Variants in ZBTB41 observed in about 807,000 individuals in gnomAD.
The protein encoded by ZBTB41 is zinc finger and BTB domain-containing protein 41.
Under a neutral mutation model 87.6 loss-of-function variants are expected in ZBTB41, and 42 were observed. The observed-to-expected ratio is 0.48, with a 90% CI of 0.37 to 0.62. The LOEUF is 0.62. Among genes scored for constraint, ZBTB41 ranks in the 20% least tolerant of loss-of-function variants. The probability of loss-of-function intolerance (pLI) is 0.00; values close to 1 mark genes in which losing one functional copy is unlikely to be tolerated. For synonymous variants in ZBTB41, 364 were observed against 364.0 expected, an observed-to-expected ratio of 1.00 and a Z score of 0.00; for missense variants, 799 against 1,078.9, an observed-to-expected ratio of 0.74 and a Z score of 3.63.
chr1:197,177,056 G>A (rs1659626207), intron 7 of ZBTB41, among the ~76,000 whole-genome samples: 1 of 152,102 alleles, frequency 6.6e-6, no homozygotes, highest in African/African-American at 2.4e-5. Flanking sequence ...TCAGACAAAT[G>A]AAGTAAGTGT....
chr1:197,190,885 A>C, intron 3 of ZBTB41, 54 bp from the exon 4 acceptor site: 1 of 1,176,178 alleles, frequency 8.5e-7, no homozygotes, highest in Non-Finnish European at 1.2e-6. Flanking sequence ...AGTTAAATCA[A>C]TATTCCATGT....
At chr1:197,167,078 C>A (rs902970418) in intron 10 of ZBTB41, among the ~76,000 whole-genome samples, 3 of 152,004 alleles carry the variant, frequency 2.0e-5, no homozygotes, top group Non-Finnish European at 4.4e-5. Context: ...AAGATATAGG[C>A]AATATGTCTC....
rs775192170 is a variant in ZBTB41 at position 197,191,907 on chromosome 1, A to G, written c.1121-8T>C. 3 of 1,561,352 alleles carry G rather than the reference A, an allele frequency of 1.9e-6. No individual in the cohort carries two copies. The highest frequency in any genetic ancestry group is 3.8e-5 in the Admixed American group (2 of 52,464). On this transcript the variant is annotated splice_region_variant and splice_polypyrimidine_tract_variant and intron_variant, in intron 2 of 10. Transcript: ENST00000367405. Reference sequence around the variant, plus strand: ...TGTGGCTCTCATATTTTCCTATAAAAAAAGAAAAATTAAAATTAAATTTAG... The same window carrying G: ...TGTGGCTCTCATATTTTCCTATAAAGAAAGAAAAATTAAAATTAAATTTAG...
chr1:197,157,060 CAAGTT>C lies in ZBTB41; in HGVS notation c.*2294_*2298del, dbSNP rs1201291528. The C allele has an allele frequency of 6.6e-6, 1 of 152,084 alleles. No homozygotes were observed. Among genetic ancestry groups the C allele is most frequent in the Non-Finnish European group, 1.5e-5 (1 of 67,728 alleles). 9.4% of individuals were successfully genotyped at this position (152,084 alleles called of 1,614,324 possible). A position where few individuals can be genotyped will look rare whatever the true frequency, so the allele number is the denominator to read the frequency against. ...TTTTATAAAACAGTAAATCACTACT[CAAGTT>C]TAAGTTATCTACAATAGTAACTAAA... On this transcript the variant is annotated 3_prime_UTR_variant, in exon 11 of 11. Transcript: ENST00000367405.
At chr1:197,199,315 T>TA (rs1571674012) in intron 2 of ZBTB41, 39 bp downstream of exon 2, 1 of 1,453,790 alleles carries the variant, frequency 6.9e-7, no homozygotes. Context: ...CCAAGAAAAG[T>TA]AAGTGATTAG....
At chr1:197,192,724 T>C (rs967377571) in intron 2 of ZBTB41, among the ~76,000 whole-genome samples, 1 of 152,118 alleles carries the variant, frequency 6.6e-6, no homozygotes, top group African/African-American at 2.4e-5. Context: ...AGGTGAAAAC[T>C]AATGTGAAAG....
intron 10 of ZBTB41, among the ~76,000 whole-genome samples, chr1:197,167,778 A>G (rs1659385034): frequency 6.6e-6 from 1 of 152,216 alleles, no homozygotes; most frequent in East Asian, 1.9e-4. Context: ...CCTATAAAAA[A>G]TATCATACTT....
intron 4 of ZBTB41, 88 bp from the exon 5 acceptor site, chr1:197,188,527 T>A: frequency 1.6e-6 from 2 of 1,232,146 alleles, no homozygotes; most frequent in Non-Finnish European, 2.2e-6. Flanking sequence ...CCATATAAAT[T>A]CAATAAAGAG....
rs746733285 is a variant in ZBTB41 at position 197,199,641 on chromosome 1, T to G, written c.833A>C (p.Asp278Ala). ...ATCAAAATTTTCTTGATTCAAATTG[T>G]CTGACCCATCACCACTTTCCTGTTC... ...DDEQESGDGS[D>A]NLNQENFDKE... The change falls in exon 2 of 11, where the codon GAC (aspartate) becomes GCC (alanine). Residue 278 changes from aspartate to alanine, a missense_variant. Asp to Ala is a moderately radical substitution (Grantham distance 126). Coordinates refer to ENST00000367405, the MANE Select transcript of ZBTB41 (RefSeq NM_194314.3). 2.5e-6 allele frequency: 4 copies of G among 1,612,890 alleles called. No homozygotes were observed. The highest frequency in any genetic ancestry group is 3.4e-6 in the Non-Finnish European group (4 of 1,179,860).
At chr1:197,188,511 A>G in intron 4 of ZBTB41, 72 bp from the exon 5 acceptor site, 2 of 1,338,710 alleles carry the variant, frequency 1.5e-6, no homozygotes, top group South Asian at 3.0e-5. Context: ...TGTAATGAGA[A>G]GAAAACCATA....
intron 5 of ZBTB41, among the ~76,000 whole-genome samples, chr1:197,183,968 G>C (rs773153853): frequency 2.0e-5 from 3 of 152,154 alleles, no homozygotes; most frequent in Admixed American, 6.5e-5. Context: ...TGATGGGAAA[G>C]TAACTATTGT....
chr1:197,172,858 G>T (rs4520444), intron 9 of ZBTB41, among the ~76,000 whole-genome samples: 38,718 of 151,928 alleles, frequency 0.25, 5,309 homozygotes, highest in Middle Eastern at 0.32. Context: ...ATCAGTTCAT[G>T]TCCTAACAAA....
At position 197,172,222 on chromosome 1, in the gene ZBTB41, T is replaced by C; in HGVS notation, c.2012A>G (p.Asp671Gly). ...QKYKATFHQC[D>G]VCKKIFKGKS... is the part of the protein sequence containing the mutation. ...GCCTTTAAAAATTTTCTTACAAACA[T>C]CACATTGATGAAATGTTGCTTTATA... Residue 671 changes from aspartate (D) to glycine (G), a missense_variant, in exon 10 of 11, where the codon GAT becomes GGT. Physicochemically the swap from Asp to Gly is moderately conservative, Grantham distance 94. Coordinates refer to ENST00000367405, the MANE Select transcript of ZBTB41 (RefSeq NM_194314.3). 1 of 1,418,102 alleles carries C rather than the reference T, an allele frequency of 7.1e-7. No individual in the cohort carries two copies. The highest frequency in any genetic ancestry group is 9.3e-7 in the Non-Finnish European group (1 of 1,071,098). The allele number at this position is 1,418,102 out of a possible 1,614,324, so 87.8% of individuals were successfully genotyped here.
At chr1:197,184,971 C>G (rs750976659) in intron 5 of ZBTB41, among the ~76,000 whole-genome samples, 2 of 151,998 alleles carry the variant, frequency 1.3e-5, no homozygotes, top group African/African-American at 4.8e-5. Context: ...TCCGCCACCA[C>G]GCCCAGCTAA....
At chr1:197,187,906 G>T (rs1415646941) in intron 5 of ZBTB41, among the ~76,000 whole-genome samples, 1 of 152,096 alleles carries the variant, frequency 6.6e-6, no homozygotes, top group Non-Finnish European at 1.5e-5. Context: ...GGAAATTTCG[G>T]GGCAGTGAAA....
At chr1:197,191,023 T>C (rs1660017516) in intron 3 of ZBTB41, among the ~76,000 whole-genome samples, 192 bp from the exon 4 acceptor site, 1 of 152,272 alleles carries the variant, frequency 6.6e-6, no homozygotes, top group South Asian at 2.1e-4. Context: ...TAGCTCTTTA[T>C]AGATAAACTG....
chr1:197,197,563 A>AGGAGGGAGAGAGGGAGGGAAGGAC (rs1553233093), intron 2 of ZBTB41, among the ~76,000 whole-genome samples: 1 of 93,576 alleles, frequency 1.1e-5, no homozygotes, highest in African/African-American at 3.7e-5. Context: ...GAGGGAGGGA[A>AGGAGGGAGAGAGGGAGGGAAGGAC]GGAGGGAGGG....
chr1:197,166,853 A>G (rs1659357993), intron 10 of ZBTB41, among the ~76,000 whole-genome samples: 1 of 151,828 alleles, frequency 6.6e-6, no homozygotes, highest in African/African-American at 2.4e-5. Context: ...TCTCAAAAAC[A>G]ACAACAACAA....
At chr1:197,191,050 AT>A (rs77498723) in intron 3 of ZBTB41, among the ~76,000 whole-genome samples, 1 of 151,968 alleles carries the variant, frequency 6.6e-6, no homozygotes, top group African/African-American at 2.4e-5. Flanking sequence ...AATATACCTG[AT>A]TTTTTTTAGT....
Sources: gnomAD v4.1 joint callset for allele counts (sites outside exome capture counted in the v4.1 genomes callset) on GRCh38, gnomAD v4.1.1 for gene constraint, MANE v1.5 for transcripts, NCBI Gene and HGNC (gene_info 2026-07-23, HGNC 2026-07-21) for gene names.